LY96: variants seen among roughly 807,000 people sequenced by gnomAD.
LY96 encodes the protein lymphocyte antigen 96.
LY96 carries 18 observed loss-of-function variants against 18.9 expected under a neutral mutation model. The ratio of observed to expected loss-of-function variants is 0.95; its 90% CI spans 0.66 to 1.41. The LOEUF (loss-of-function observed/expected upper bound fraction) is 1.41, where lower values mean the gene tolerates loss of function less well. Ranked by LOEUF, LY96 falls within the 40% of genes most tolerant of loss-of-function variation. LY96 has a pLI of 0.00. For synonymous variants in LY96, 66 were observed against 62.6 expected, an observed-to-expected ratio of 1.06 and a Z score of -0.26; for missense variants, 175 against 182.4, an observed-to-expected ratio of 0.96 and a Z score of 0.23.
In LY96 at chr8:74,024,999, A is replaced by G. The variant is rs1816839966; in HGVS notation, c.332-1790A>G. 4.0e-5 allele frequency among the ~76,000 whole-genome samples: 6 copies of G among 151,816 alleles called. No individual in the cohort carries two copies. The South Asian group carries it at 6.2e-4, about 16-fold the overall frequency. ...CATGCACCACACCCATCTTTCTTTT[A>G]TATATTTTGTACAGATAAGGCTTCA... On this transcript the variant is annotated intron_variant, in intron 3 of 4. Transcript: ENST00000284818.
At chr8:74,016,647 T>C (rs1816648202) in intron 3 of LY96, among the ~76,000 whole-genome samples, 3 of 152,212 alleles carry the variant, frequency 2.0e-5, no homozygotes, top group Admixed American at 1.3e-4. Flanking sequence ...GGTGCCCCTC[T>C]GAGATGAAGC....
the LY96 span, among the ~76,000 whole-genome samples, chr8:74,084,770 C>T: frequency 4.6e-5 from 7 of 152,198 alleles, no homozygotes; most frequent in African/African-American, 1.2e-4. Flanking sequence ...CCTGCCACCA[C>T]GCCCGGCTAA....
chr8:74,057,361 C>T, the LY96 span, among the ~76,000 whole-genome samples: 4 of 152,164 alleles, frequency 2.6e-5, no homozygotes, highest in African/African-American at 9.7e-5. Context: ...TACCGTAACA[C>T]AAATGGCAAA....
At chr8:74,018,247 T>A (rs1249728138) in intron 3 of LY96, among the ~76,000 whole-genome samples, 4 of 150,508 alleles carry the variant, frequency 2.7e-5, no homozygotes, top group Non-Finnish European at 4.4e-5. Context: ...ATAAAAAAAA[T>A]AAATAAATAA....
At chr8:74,090,069 G>T in the LY96 span, among the ~76,000 whole-genome samples, 1 of 152,072 alleles carries the variant, frequency 6.6e-6, no homozygotes, top group Non-Finnish European at 1.5e-5. Context: ...TTAGAGCAGG[G>T]GAGGTTTGTG....
At chr8:73,994,066 C>A (rs1156465428) in intron 1 of LY96, among the ~76,000 whole-genome samples, 1 of 151,976 alleles carries the variant, frequency 6.6e-6, no homozygotes, top group Non-Finnish European at 1.5e-5. Flanking sequence ...CTCACTGCAA[C>A]CTCTGCCTCC....
chr8:74,091,049 G>T, the LY96 span, among the ~76,000 whole-genome samples: 1 of 152,124 alleles, frequency 6.6e-6, no homozygotes, highest in Non-Finnish European at 1.5e-5. Flanking sequence ...ACCACATAAG[G>T]CATCATTAGA....
At chr8:74,016,657 C>G (rs748217582) in intron 3 of LY96, among the ~76,000 whole-genome samples, 5 of 152,218 alleles carry the variant, frequency 3.3e-5, no homozygotes, top group Non-Finnish European at 7.3e-5. Context: ...TGAGATGAAG[C>G]TTCCAGAGGA....
the LY96 span, among the ~76,000 whole-genome samples, chr8:74,061,001 C>T: frequency 2.6e-5 from 4 of 152,156 alleles, no homozygotes; most frequent in Admixed American, 6.5e-5. Flanking sequence ...GAGAATGGAA[C>T]CTCTGTTTGT....
intron 2 of LY96, among the ~76,000 whole-genome samples, chr8:74,006,263 C>T (rs755787811): frequency 1.6e-4 from 24 of 152,026 alleles, no homozygotes; most frequent in Non-Finnish European, 2.9e-4. Context: ...GGCATGATCT[C>T]GTCGGCTCAC....
chr8:74,047,185 G>T, the LY96 span, among the ~76,000 whole-genome samples: 1 of 152,130 alleles, frequency 6.6e-6, no homozygotes, highest in South Asian at 2.1e-4. Flanking sequence ...ACAGCGCCCG[G>T]CCCTGACCCA....
the LY96 span, among the ~76,000 whole-genome samples, chr8:74,053,547 T>C: frequency 1.3e-5 from 2 of 152,214 alleles, no homozygotes; most frequent in African/African-American, 4.8e-5. Flanking sequence ...GTGCTTCAGA[T>C]ACTGAATCAT....
the LY96 span, among the ~76,000 whole-genome samples, chr8:74,084,539 C>T: frequency 2.0e-5 from 3 of 152,178 alleles, no homozygotes; most frequent in Non-Finnish European, 2.9e-5. Flanking sequence ...ACCCCTTCTT[C>T]CCCAACTAGT....
the LY96 span, among the ~76,000 whole-genome samples, chr8:74,035,045 C>T: frequency 1.2e-4 from 18 of 151,956 alleles, no homozygotes; most frequent in African/African-American, 3.6e-4. Context: ...TTATGAGTTG[C>T]GAAGATATAT....
the LY96 span, among the ~76,000 whole-genome samples, chr8:74,052,072 A>G: frequency 1.3e-5 from 2 of 152,358 alleles, no homozygotes; most frequent in Admixed American, 6.5e-5. Context: ...AGGAAAAATA[A>G]AAGAAAAAGA....
downstream of LY96, among the ~76,000 whole-genome samples, chr8:74,031,424 G>A (rs1236856716): frequency 6.6e-6 from 1 of 152,042 alleles, no homozygotes; most frequent in East Asian, 1.9e-4. Flanking sequence ...TTAGGAGTTC[G>A]AGACCAGCCT....
chr8:74,043,655 C>G, the LY96 span, among the ~76,000 whole-genome samples: 2 of 152,044 alleles, frequency 1.3e-5, no homozygotes, highest in African/African-American at 4.8e-5. Context: ...ATTACATACA[C>G]TGGTTGAAAA....
intron 3 of LY96, among the ~76,000 whole-genome samples, chr8:74,021,376 A>G (rs930903917): frequency 1.3e-5 from 2 of 152,238 alleles, no homozygotes; most frequent in African/African-American, 4.8e-5. Flanking sequence ...ATGAGATACC[A>G]TCTCACACTG....
chr8:74,083,997 T>C, the LY96 span, among the ~76,000 whole-genome samples: 1 of 152,092 alleles, frequency 6.6e-6, no homozygotes, highest in East Asian at 1.9e-4. Context: ...AAAACTTTTC[T>C]AATCTACAGG....
Sources: gnomAD v4.1 joint callset for allele counts (sites outside exome capture counted in the v4.1 genomes callset) on GRCh38, gnomAD v4.1.1 for gene constraint, MANE v1.5 for transcripts, NCBI Gene and HGNC (gene_info 2026-07-23, HGNC 2026-07-21) for gene names.